The following C20orf203 variants were observed in gnomAD, a reference collection of about 807,000 sequenced individuals.
C20orf203 encodes uncharacterized protein C20orf203.
C20orf203 carries 16 observed loss-of-function variants against 15.9 expected under a neutral mutation model. The observed-to-expected ratio is 1.01, with a 90% CI of 0.68 to 1.53. The LOEUF (loss-of-function observed/expected upper bound fraction) is 1.53, where lower values mean the gene tolerates loss of function less well. C20orf203 is among the 40% of genes most tolerant of loss of function. The pLI is 0.00. For missense variants in C20orf203, 263 were observed against 247.5 expected (o/e 1.06, Z -0.42); for synonymous variants, 98 against 97.2 (o/e 1.01, Z -0.05).
intron 1 of C20orf203, among the ~76,000 whole-genome samples, chr20:32,654,786 G>C (rs1435737052): frequency 6.6e-6 from 1 of 152,158 alleles, no homozygotes; most frequent in Admixed American, 6.6e-5. Flanking sequence ...AGAGATTGCA[G>C]TGAACCAAGA....
chr20:32,631,788 A>AT lies in C20orf203; in HGVS notation c.*3781dup, dbSNP rs1213084290. The AT allele has an allele frequency of 2.0e-5, 3 of 152,244 alleles. No individual in the cohort carries two copies. The highest frequency in any genetic ancestry group is 7.2e-5 in the African/African-American group (3 of 41,470). The allele number at this position is 152,244 out of a possible 1,614,324, so 9.4% of individuals were successfully genotyped here. A position where few individuals can be genotyped will look rare whatever the true frequency, so the allele number is the denominator to read the frequency against. The stretch of plus-strand genomic sequence containing the variant: ...GAAGCAGGGCTCAGTCTGGGCGCTC[A>AT]TAAGAGGCAGGGTCTGTGGGGGTCA... On this transcript the variant is annotated 3_prime_UTR_variant, in exon 6 of 6. Transcript: ENST00000608990.
In C20orf203 at chr20:32,650,228, T is replaced by C. The variant is rs1416192388; in HGVS notation, c.*204A>G. ...CAGAGCCAGCCTGGCACAGCCTCGGTCCCTAATCATGTTTGCTGAATGCCT... is the reference window on the plus strand; with the variant it reads ...CAGAGCCAGCCTGGCACAGCCTCGGCCCCTAATCATGTTTGCTGAATGCCT... On this transcript the variant is annotated 3_prime_UTR_variant, in exon 4 of 6. Transcript: ENST00000608990. The C allele has an allele frequency of 5.2e-6, 3 of 575,614 alleles. No individual in the cohort carries two copies. Among genetic ancestry groups the C allele is most frequent in the Non-Finnish European group, 9.3e-6 (3 of 322,744 alleles). The allele number at this position is 575,614 out of a possible 1,614,324, so 35.7% of individuals were successfully genotyped here.
intron 1 of C20orf203, among the ~76,000 whole-genome samples, chr20:32,669,281 C>T (rs13043743): frequency 0.29 from 43,363 of 151,972 alleles, 6,739 homozygotes; most frequent in Middle Eastern, 0.37. Context: ...TATGCACAGC[C>T]GATTCCCAGG....
intron 1 of C20orf203, among the ~76,000 whole-genome samples, chr20:32,664,237 T>C (rs1394969480): frequency 6.6e-6 from 1 of 152,152 alleles, no homozygotes; most frequent in Admixed American, 6.5e-5. Flanking sequence ...CAAGTTCACT[T>C]AAAAGCAGTG....
intron 1 of C20orf203, among the ~76,000 whole-genome samples, chr20:32,659,515 A>G (rs6058790): frequency 0.46 from 70,377 of 152,148 alleles, 16,654 homozygotes; most frequent in Middle Eastern, 0.55. Flanking sequence ...TGTACAGATG[A>G]GCAAACTGAG....
chr20:32,671,090 A>G (rs1983156221), intron 1 of C20orf203, among the ~76,000 whole-genome samples: 1 of 152,180 alleles, frequency 6.6e-6, no homozygotes, highest in Non-Finnish European at 1.5e-5. Flanking sequence ...TGGGAATGTT[A>G]AATGGTGCAG....
At chr20:32,645,638 C>T (rs1460956382) in intron 4 of C20orf203, among the ~76,000 whole-genome samples, 1 of 152,226 alleles carries the variant, frequency 6.6e-6, no homozygotes, top group Non-Finnish European at 1.5e-5. Context: ...AGCACCAAGC[C>T]CTCCCAGCTT....
chr20:32,649,425 C>T lies in C20orf203; in HGVS notation c.*1007G>A, dbSNP rs150972339. ...CACATAGTAAGCTGTTTAATCCTCA[C>T]ATCAGCCCATGAAGCAGCTATGAAT... On this transcript the variant is annotated 3_prime_UTR_variant, in exon 4 of 6. Coordinates refer to ENST00000608990, the MANE Select transcript of C20orf203 (RefSeq NM_182584.4). 6.6e-6 allele frequency: 1 copy of T among 152,482 alleles called. No homozygotes were observed. The highest frequency in any genetic ancestry group is 1.5e-5 in the Non-Finnish European group (1 of 68,134). The allele number at this position is 152,482 out of a possible 1,614,324, so 9.4% of individuals were successfully genotyped here.
intron 5 of C20orf203, among the ~76,000 whole-genome samples, chr20:32,634,927 C>T (rs1458947199): frequency 6.6e-6 from 1 of 152,162 alleles, no homozygotes; most frequent in South Asian, 2.1e-4. Context: ...CAGCCAGACG[C>T]GGTCTCTCAC....
intron 4 of C20orf203, among the ~76,000 whole-genome samples, chr20:32,643,620 T>A (rs1982341506): frequency 7.3e-6 from 1 of 136,252 alleles, no homozygotes; most frequent in South Asian, 2.4e-4. Context: ...AGCCGCTTCC[T>A]GGAACCACAC....
intron 1 of C20orf203, among the ~76,000 whole-genome samples, chr20:32,668,989 CA>C (rs200753300): frequency 0.021 from 3,187 of 152,310 alleles, 122 homozygotes; most frequent in African/African-American, 0.072. Context: ...CTCATCTCTA[CA>C]AAATCGAAGT....
At chr20:32,647,273 T>A (rs1982461069) in intron 4 of C20orf203, among the ~76,000 whole-genome samples, 1 of 151,788 alleles carries the variant, frequency 6.6e-6, no homozygotes, top group Non-Finnish European at 1.5e-5. Context: ...CGTGTGCCTA[T>A]AATCCCATCT....
chr20:32,655,410 A>T (rs180737113), intron 1 of C20orf203, among the ~76,000 whole-genome samples: 83 of 152,234 alleles, frequency 5.5e-4, no homozygotes, highest in African/African-American at 1.9e-3. Context: ...AGGAGAAAAT[A>T]ACTGACAATC....
intron 1 of C20orf203, among the ~76,000 whole-genome samples, chr20:32,655,596 C>A (rs754544164): frequency 6.6e-6 from 1 of 152,084 alleles, no homozygotes; most frequent in Non-Finnish European, 1.5e-5. Flanking sequence ...AGTTCAAGAC[C>A]AACCTGGCCA....
Position 32,633,207 on chromosome 20 carries a change from A to G in C20orf203, c.*2363T>C, listed in dbSNP as rs1208596760. On this transcript the variant is annotated 3_prime_UTR_variant, in exon 6 of 6. Coordinates refer to ENST00000608990, the MANE Select transcript of C20orf203 (RefSeq NM_182584.4). The stretch of plus-strand genomic sequence containing the variant: ...GTTTGCCTGGGACTGTGCCAGGAAA[A>G]CCCTCAGTTTTGGACAAACCAGGAT... The G allele has an allele frequency of 6.6e-6, 1 of 152,074 alleles. No homozygotes were observed. The highest frequency in any genetic ancestry group is 1.5e-5 in the Non-Finnish European group (1 of 68,012). The allele number at this position is 152,074 out of a possible 1,614,324, so 9.4% of individuals were successfully genotyped here.
chr20:32,665,822 A>G (rs927014904), intron 1 of C20orf203, among the ~76,000 whole-genome samples: 1 of 152,054 alleles, frequency 6.6e-6, no homozygotes, highest in African/African-American at 2.4e-5. Context: ...TTTTTTTTTT[A>G]ATTAGCCAGA....
chr20:32,670,159 G>A (rs1285502286), intron 1 of C20orf203, among the ~76,000 whole-genome samples: 2 of 151,832 alleles, frequency 1.3e-5, no homozygotes, highest in Non-Finnish European at 2.9e-5. Context: ...GCAATGAGCC[G>A]AGATTGAGCC....
chr20:32,662,928 T>TATAGATAG (rs201212559), intron 1 of C20orf203, among the ~76,000 whole-genome samples: 2 of 141,926 alleles, frequency 1.4e-5, no homozygotes, highest in African/African-American at 5.3e-5. Flanking sequence ...GATATATATA[T>TATAGATAG]ATAGATAGAT....
intron 5 of C20orf203, among the ~76,000 whole-genome samples, chr20:32,635,935 G>T (rs1441492733): frequency 1.3e-5 from 2 of 152,158 alleles, no homozygotes; most frequent in Non-Finnish European, 1.5e-5. Flanking sequence ...GGAATGACGT[G>T]TCGTCCTCCC....
Sources: gnomAD v4.1 joint callset for allele counts (sites outside exome capture counted in the v4.1 genomes callset) on GRCh38, gnomAD v4.1.1 for gene constraint, MANE v1.5 for transcripts, NCBI Gene and HGNC (gene_info 2026-07-23, HGNC 2026-07-21) for gene names.